The following RNF38 variants were observed in gnomAD, a reference collection of about 807,000 sequenced individuals.
RNF38 encodes E3 ubiquitin-protein ligase RNF38.
RNF38 carries 15 observed loss-of-function variants against 67.2 expected under a neutral mutation model. The observed-to-expected ratio is 0.22, with a 90% CI of 0.15 to 0.34. The LOEUF (loss-of-function observed/expected upper bound fraction) is 0.34. RNF38 is among the 10% of genes least tolerant of loss of function. The pLI, the probability that RNF38 is intolerant of heterozygous loss-of-function variation, is 1.00. For synonymous variants in RNF38, 220 were observed against 218.8 expected, an observed-to-expected ratio of 1.01 and a Z score of -0.05; for missense variants, 524 against 639.9, an observed-to-expected ratio of 0.82 and a Z score of 1.95.
chr9:36,350,854 G>A (rs1183083354), intron 9 of RNF38, among the ~76,000 whole-genome samples: 1 of 152,200 alleles, frequency 6.6e-6, no homozygotes, highest in East Asian at 1.9e-4. Flanking sequence ...TGGCTTGCAT[G>A]TGACCCAGGA....
At chr9:36,352,901 C>T in intron 7 of RNF38, 53 bp from the exon 8 acceptor site, 2 of 1,269,232 alleles carry the variant, frequency 1.6e-6, no homozygotes, top group Non-Finnish European at 2.3e-6. Context: ...TACAAATAGC[C>T]TGTCAAATAA....
At chr9:36,370,591 T>TAC (rs1835301873) in intron 3 of RNF38, among the ~76,000 whole-genome samples, 1 of 152,170 alleles carries the variant, frequency 6.6e-6, no homozygotes, top group South Asian at 2.1e-4. Flanking sequence ...TATATATACT[T>TAC]ACATAGAATT....
At position 36,446,643 on chromosome 9, in the gene RNF38, C is replaced by T. The variant is rs547921525; in HGVS notation, n.242-21960G>A. Among the ~76,000 whole-genome samples the T allele has an allele frequency of 2.2e-4, 33 of 147,880 alleles. 1 individual carries two copies. In the South Asian group the frequency reaches 6.2e-3, roughly 28 times the overall value. On this transcript the variant is annotated intron_variant and non_coding_transcript_variant, in intron 1 of 3. Transcript: ENST00000488058. ...GCAACATGGTGAAACCCCGTCTCTA[C>T]TAAAAACACAGAAAGTTAGCCAGGC...
chr9:36,342,100 T>C (rs151024013), intron 11 of RNF38, among the ~76,000 whole-genome samples: 7 of 152,310 alleles, frequency 4.6e-5, no homozygotes, highest in African/African-American at 7.2e-5. Flanking sequence ...AAAAAGGACA[T>C]ACTGATTGTC....
chr9:36,412,205 A>T (rs1282143624), intron 2 of RNF38, among the ~76,000 whole-genome samples: 2 of 152,200 alleles, frequency 1.3e-5, no homozygotes, highest in African/African-American at 4.8e-5. Flanking sequence ...ATCTCATACC[A>T]TTCCCAATCC....
chr9:36,465,540 T>A (rs757086785), intron 1 of RNF38, among the ~76,000 whole-genome samples: 2 of 152,086 alleles, frequency 1.3e-5, no homozygotes, highest in African/African-American at 2.4e-5. Flanking sequence ...AGACAGGGTT[T>A]CTCCATGTTG....
chr9:36,474,848 A>T lies in RNF38; in HGVS notation n.241+12460T>A, dbSNP rs1468650197. Among the ~76,000 whole-genome samples the T allele has an allele frequency of 2.7e-5, 4 of 148,164 alleles. 1 individual carries two copies. The Admixed American group carries it at 2.7e-4, about 10-fold the overall frequency. ...ACAATCAAAGGAACAGAGGTAGAAA[A>T]ATCACACACAGGGCCGGGCGCGGTG... is the stretch of plus-strand genomic sequence containing the variant. On this transcript the variant is annotated intron_variant and non_coding_transcript_variant, in intron 1 of 3. Coordinates refer to the RNF38 transcript ENST00000488058.
chr9:36,383,820 T>C (rs186178978), intron 2 of RNF38, among the ~76,000 whole-genome samples: 8 of 152,152 alleles, frequency 5.3e-5, no homozygotes, highest in Non-Finnish European at 1.2e-4. Context: ...TTTTTTTTTT[T>C]AAACCGAAGC....
intron 1 of RNF38, among the ~76,000 whole-genome samples, chr9:36,439,243 T>C (rs564952153): frequency 3.6e-4 from 55 of 152,338 alleles, no homozygotes; most frequent in African/African-American, 1.3e-3. Flanking sequence ...GGAAAAACAC[T>C]TTACTTGCTA....
intron 7 of RNF38, 72 bp from the exon 8 acceptor site, chr9:36,352,920 AT>A: frequency 8.9e-7 from 1 of 1,124,984 alleles, no homozygotes; most frequent in South Asian, 1.4e-5. Flanking sequence ...AAAGTATCTA[AT>A]TAAAAAAAGA....
At chr9:36,389,564 CAA>C (rs1201773791) in intron 2 of RNF38, among the ~76,000 whole-genome samples, 1 of 152,052 alleles carries the variant, frequency 6.6e-6, no homozygotes, top group African/African-American at 2.4e-5. Flanking sequence ...GGGCTAAAAA[CAA>C]AAAGAGTTAA....
rs756347116 is a variant in RNF38 at position 36,356,371 on chromosome 9, G to T, written c.841C>A (p.Pro281Thr). 6.2e-7 allele frequency: 1 copy of T among 1,613,980 alleles called. No homozygotes were observed. The highest frequency in any genetic ancestry group is 8.5e-7 in the Non-Finnish European group (1 of 1,180,014). Residue 281 changes from proline (P) to threonine (T), a missense_variant, in exon 6 of 12, where the codon CCC becomes ACC. Physicochemically the swap from Pro to Thr is conservative, Grantham distance 38. This residue lies in a region of RNF38 where 461 missense variants were observed against 517.4 expected (regional missense o/e 0.89). Coordinates refer to ENST00000259605, the MANE Select transcript of RNF38 (RefSeq NM_022781.5). Reference sequence around the variant, plus strand: ...GGTGGCAAATGAGGAGGATGATGGGGAGAAAGGTGAGGAGGATGTATAAGA... The same window carrying T: ...GGTGGCAAATGAGGAGGATGATGGGTAGAAAGGTGAGGAGGATGTATAAGA... ...PFLIHPPHLS[P>T]HHPPHLPPPG...
At chr9:36,348,411 T>A (rs974228238) in intron 9 of RNF38, among the ~76,000 whole-genome samples, 3 of 152,106 alleles carry the variant, frequency 2.0e-5, no homozygotes, top group African/African-American at 4.8e-5. Context: ...AGGTTGAGGC[T>A]GTACTGAGCG....
intron 1 of RNF38, among the ~76,000 whole-genome samples, 156 bp from the exon 2 acceptor site, chr9:36,390,772 A>G (rs931238492): frequency 1.3e-5 from 2 of 152,238 alleles, no homozygotes; most frequent in African/African-American, 2.4e-5. Context: ...ATCAAAACAT[A>G]AAGATGGCAA....
chr9:36,473,987 G>GA (rs2134423535), intron 1 of RNF38, among the ~76,000 whole-genome samples: 1 of 115,534 alleles, frequency 8.7e-6, no homozygotes, highest in African/African-American at 3.3e-5. Context: ...CTCCATCTCG[G>GA]GAAAAAAAAA....
chr9:36,385,909 C>G (rs910745441), intron 2 of RNF38, among the ~76,000 whole-genome samples: 1 of 152,158 alleles, frequency 6.6e-6, no homozygotes, highest in African/African-American at 2.4e-5. Flanking sequence ...TCTCGCTGAC[C>G]GACTACCACT....
intron 1 of RNF38, among the ~76,000 whole-genome samples, chr9:36,455,843 G>A (rs566811734): frequency 5.3e-5 from 8 of 150,140 alleles, no homozygotes; most frequent in African/African-American, 1.7e-4. Context: ...TCTGGGGGGC[G>A]GAGGTTGCAG....
At chr9:36,341,546 CTA>C (rs1307114234) in intron 11 of RNF38, among the ~76,000 whole-genome samples, 3 of 151,966 alleles carry the variant, frequency 2.0e-5, no homozygotes, top group Non-Finnish European at 2.9e-5. Flanking sequence ...GACTATGAAA[CTA>C]TGAAGAGTAA....
intron 8 of RNF38, among the ~76,000 whole-genome samples, chr9:36,352,391 GAAAT>G (rs1156235659): frequency 6.6e-6 from 1 of 151,456 alleles, no homozygotes; most frequent in African/African-American, 2.4e-5. Flanking sequence ...CTAAGACATA[GAAAT>G]AAATAAATTT....
Sources: allele counts gnomAD v4.1 joint callset (sites outside exome capture counted in the v4.1 genomes callset), GRCh38; gene constraint gnomAD v4.1.1; regional missense constraint gnomAD v4.1.1; transcripts MANE v1.5; gene names NCBI Gene and HGNC (gene_info 2026-07-23, HGNC 2026-07-21).